ZSCAN2: variants seen among roughly 807,000 people sequenced by gnomAD.
ZSCAN2 encodes zinc finger and SCAN domain containing 2, also known as zinc finger and SCAN domain-containing protein 2.
Under a neutral mutation model 47.8 loss-of-function variants are expected in ZSCAN2, and 26 were observed. That is an observed-to-expected ratio of 0.54 (90% CI 0.40 to 0.75). The LOEUF (loss-of-function observed/expected upper bound fraction) is 0.75. ZSCAN2 is among the 30% of genes least tolerant of loss of function. The pLI, the probability that ZSCAN2 is intolerant of heterozygous loss-of-function variation, is 0.00. For synonymous variants in ZSCAN2, 305 were observed against 288.7 expected (o/e 1.06, Z -0.57); for missense variants, 732 against 785.4 (o/e 0.93, Z 0.81).
At chr15:84,620,141 T>G (rs1895783609) in intron 2 of ZSCAN2, among the ~76,000 whole-genome samples, 1 of 152,182 alleles carries the variant, frequency 6.6e-6, no homozygotes, top group Non-Finnish European at 1.5e-5. Flanking sequence ...TCCCTCCATG[T>G]GCTCATGTGT....
chr15:84,622,712 T>C lies in ZSCAN2; in HGVS notation c.*672T>C, dbSNP rs977121312. On this transcript the variant is annotated 3_prime_UTR_variant, in exon 3 of 3. Transcript: ENST00000546148. ...AGCCAGTGTCCCAGTGTCCTTTCCA[T>C]TGGTAAGAGTTGGACAGGGCCTTCA... is the stretch of plus-strand genomic sequence containing the variant. 8 of 716,848 alleles carry C rather than the reference T, an allele frequency of 1.1e-5. No homozygotes were observed. Among genetic ancestry groups the C allele is most frequent in the East Asian group, 5.4e-5 (2 of 37,300 alleles). 44.4% of individuals were successfully genotyped at this position (716,848 alleles called of 1,614,324 possible).
chr15:84,621,310 G>C lies in ZSCAN2; in HGVS notation c.1115G>C (p.Ser372Thr). 6.2e-7 allele frequency: 1 copy of C among 1,614,026 alleles called. No individual in the cohort carries two copies. The highest frequency in any genetic ancestry group is 8.5e-7 in the Non-Finnish European group (1 of 1,180,020). The change falls in exon 3 of 3, where the codon AGT (serine) becomes ACT (threonine). Residue 372 changes from serine (S) to threonine (T), a missense_variant. Ser to Thr is a moderately conservative substitution (Grantham distance 58, BLOSUM62 1). Coordinates refer to ENST00000546148, the MANE Select transcript of ZSCAN2 (RefSeq NM_181877.4). This position sits in a 1 kb window ranked among gnomAD's most constrained non-coding sequence, Gnocchi z 5.7. ...YECKECGESF[S>T]YNSNLIRHQR... is the part of the protein sequence containing the mutation. ...TGTAAAGAATGCGGCGAAAGCTTTA[G>C]TTACAACTCCAATCTAATCAGACAC...
chr15:84,617,152 A>G (rs1472454931), intron 2 of ZSCAN2, among the ~76,000 whole-genome samples: 2 of 148,318 alleles, frequency 1.3e-5, no homozygotes, highest in Non-Finnish European at 3.0e-5. Context: ...ACTGTCTTCC[A>G]TGGCCAGGCG....
In ZSCAN2 at chr15:84,603,948, G is replaced by A. The variant is rs747817109; in HGVS notation, c.21G>A (p.Pro7=). 6.2e-6 allele frequency: 10 copies of A among 1,613,634 alleles called. No individual in the cohort carries two copies. The highest frequency in any genetic ancestry group is 5.0e-5 in the Admixed American group (3 of 59,986). The stretch of plus-strand genomic sequence containing the variant: ...TGTGGATGATGGCTGCAGACATCCC[G>A]AGAGTGACCACTCCGCTGAGCTCCT... MMAADI[P]RVTTPLSSLV... is the part of the protein sequence containing the mutation. Residue 7 remains proline, a synonymous_variant, in exon 2 of 3, where the codon CCG becomes CCA. Coordinates refer to ENST00000546148, the MANE Select transcript of ZSCAN2 (RefSeq NM_181877.4).
At position 84,610,218 on chromosome 15, in the gene ZSCAN2, C is replaced by T. The variant is rs573237373; in HGVS notation, c.406+5885C>T. On this transcript the variant is annotated intron_variant, in intron 2 of 2. Coordinates refer to ENST00000546148, the MANE Select transcript of ZSCAN2 (RefSeq NM_181877.4). ...TTTTGAAAAAACTAAAATTGGATAC[C>T]TACTTTGCAGCTTACAAAGAAATAG... Among the ~76,000 whole-genome samples the T allele has an allele frequency of 5.3e-5, 8 of 152,270 alleles. No homozygotes were observed. In the South Asian group the frequency reaches 1.2e-3, roughly 24 times the overall value.
chr15:84,606,787 G>A, intron 2 of ZSCAN2: 2 of 1,343,244 alleles, frequency 1.5e-6, no homozygotes. Flanking sequence ...GAACCAATGG[G>A]GACCATCCCA....
intron 2 of ZSCAN2, chr15:84,606,982 C>A (rs545623544): frequency 3.8e-6 from 2 of 519,942 alleles, no homozygotes; most frequent in Admixed American, 6.3e-5. Flanking sequence ...CAGCTTATGA[C>A]CTTTGGACAC....
chr15:84,606,665 C>A, intron 2 of ZSCAN2: 2 of 1,588,698 alleles, frequency 1.3e-6, no homozygotes, highest in South Asian at 1.1e-5. Flanking sequence ...GTTGGGGAGG[C>A]ACAGAGCAGA....
At position 84,622,982 on chromosome 15, in the gene ZSCAN2, T is replaced by C. The variant is rs1596039595; in HGVS notation, c.*942T>C. On this transcript the variant is annotated 3_prime_UTR_variant, in exon 3 of 3. Transcript: ENST00000546148. ...TTGGCCCAACAGGTACATAGCCCCA[T>C]AATTTCTGAATTATTCTATGCACTT... The C allele has an allele frequency of 8.2e-6, 3 of 366,284 alleles. No homozygotes were observed. 22.7% of individuals were successfully genotyped at this position (366,284 alleles called of 1,614,324 possible).
chr15:84,621,695 A>C lies in ZSCAN2; in HGVS notation c.1500A>C (p.Lys500Asn), dbSNP rs1895820403. 6.2e-7 allele frequency: 1 copy of C among 1,613,940 alleles called. No individual in the cohort carries two copies. The highest frequency in any genetic ancestry group is 1.3e-5 in the African/African-American group (1 of 74,948). The change falls in exon 3 of 3, where the codon AAA becomes AAC. Residue 500 changes from lysine (K) to asparagine (N), a missense_variant. Lys to Asn is a moderately conservative substitution (Grantham distance 94). Transcript: ENST00000546148. The surrounding 1 kb of genome is among the most constrained non-coding windows in gnomAD (Gnocchi z 5.7). ...ACCAGAGGATCCACACGGGAGAGAA[A>C]CCCTACAAATGCAGCGAGTGTGGGA... ...LKHQRIHTGE[K>N]PYKCSECGKC... is the part of the protein sequence containing the mutation.
intron 2 of ZSCAN2, chr15:84,606,610 G>T: frequency 6.2e-7 from 1 of 1,613,444 alleles, no homozygotes; most frequent in South Asian, 1.1e-5. Flanking sequence ...TACTATGGAG[G>T]AGAGAGTGAT....
In ZSCAN2 at chr15:84,622,258, G is replaced by A; in HGVS notation, c.*218G>A. The A allele has an allele frequency of 1.7e-6, 1 of 581,942 alleles. No individual in the cohort carries two copies. The highest frequency in any genetic ancestry group is 3.1e-6 in the Non-Finnish European group (1 of 323,594). 36.0% of individuals were successfully genotyped at this position (581,942 alleles called of 1,614,324 possible). A position where few individuals can be genotyped will look rare whatever the true frequency, so the allele number is the denominator to read the frequency against. ...AACAGGGCATAGGCGTGGAAGGTCT[G>A]GAAAGTTGGGTCTTTTTCCCTTACA... On this transcript the variant is annotated 3_prime_UTR_variant, in exon 3 of 3. Coordinates refer to ENST00000546148, the MANE Select transcript of ZSCAN2 (RefSeq NM_181877.4).
chr15:84,602,924 A>G (rs1895256335), intron 1 of ZSCAN2, among the ~76,000 whole-genome samples: 1 of 152,142 alleles, frequency 6.6e-6, no homozygotes, highest in Admixed American at 6.5e-5. Context: ...TGGGTGTGTC[A>G]TAGTTTATTA....
Position 84,620,834 on chromosome 15 carries a change from G to GGGC in ZSCAN2, c.640_642dup (p.Gly214dup). On this transcript the variant is annotated inframe_insertion, in exon 3 of 3. Transcript: ENST00000546148. ...AAGTTGGCCAGCTCATAGGCCTGCA[G>GGGC]GGCACCTACCTAGGGGAGAAGCCCT... The GGGC allele has an allele frequency of 3.7e-6, 6 of 1,614,214 alleles. No homozygotes were observed. Among genetic ancestry groups the GGGC allele is most frequent in the Non-Finnish European group, 5.1e-6 (6 of 1,180,030 alleles).
At chr15:84,617,145 G>C (rs968379986) in intron 2 of ZSCAN2, among the ~76,000 whole-genome samples, 1 of 140,178 alleles carries the variant, frequency 7.1e-6, no homozygotes, top group Non-Finnish European at 1.5e-5. Context: ...AAAAAAAACT[G>C]TCTTCCATGG....
At chr15:84,610,484 CTTTCTT>C (rs1567008912) in intron 2 of ZSCAN2, among the ~76,000 whole-genome samples, 2 of 123,938 alleles carry the variant, frequency 1.6e-5, no homozygotes. Context: ...TTCTTTCTTT[CTTTCTT>C]TTTTTTTTTT....
chr15:84,616,433 T>C (rs943355437), intron 2 of ZSCAN2: 12 of 1,572,194 alleles, frequency 7.6e-6, no homozygotes, highest in Non-Finnish European at 1.0e-5. Context: ...AGTGATTTTC[T>C]GCCTGAGCTT....
At chr15:84,605,258 A>G (rs1392236587) in intron 2 of ZSCAN2, among the ~76,000 whole-genome samples, 5 of 152,206 alleles carry the variant, frequency 3.3e-5, no homozygotes, top group African/African-American at 1.2e-4. Context: ...ATTGTAAAGT[A>G]GACTCACTTG....
chr15:84,619,366 C>T (rs1297883663), intron 2 of ZSCAN2, among the ~76,000 whole-genome samples: 1 of 151,372 alleles, frequency 6.6e-6, no homozygotes, highest in Non-Finnish European at 1.5e-5. Context: ...GGAGGCGGAG[C>T]TTGCAGTGAG....
Sources: allele counts gnomAD v4.1 joint callset (sites outside exome capture counted in the v4.1 genomes callset), GRCh38; gene constraint gnomAD v4.1.1; non-coding constraint Gnocchi (gnomAD v3.1); transcripts MANE v1.5; gene names NCBI Gene and HGNC (gene_info 2026-07-23, HGNC 2026-07-21).